The following GSE1 variants were observed in gnomAD, a reference collection of about 807,000 sequenced individuals.
GSE1 encodes genetic suppressor element 1.
A neutral mutation model predicts 112.6 loss-of-function variants in GSE1; 32 were observed. The ratio of observed to expected loss-of-function variants is 0.28; its 90% CI spans 0.21 to 0.38. GSE1 has a LOEUF of 0.38. Ranked by LOEUF, GSE1 falls within the 10% of genes least tolerant of loss-of-function variation. The pLI, the probability that GSE1 is intolerant of heterozygous loss-of-function variation, is 1.00. For missense variants in GSE1, 2,348 were observed against 1,699.2 expected, an observed-to-expected ratio of 1.38 and a Z score of -6.71; for synonymous variants, 1,115 against 735.6, an observed-to-expected ratio of 1.52 and a Z score of -8.35.
At chr16:85,555,423 G>A (rs949360133), upstream of GSE1, 5 of 982,154 alleles carry the variant, frequency 5.1e-6, no homozygotes, top group African/African-American at 8.8e-5. Flanking sequence ...GTGGCGAGAG[G>A]GGGAGGGGAG....
intron 2 of GSE1, among the ~76,000 whole-genome samples, chr16:85,648,301 G>A (rs1029697699): frequency 6.6e-6 from 1 of 152,152 alleles, no homozygotes; most frequent in Non-Finnish European, 1.5e-5. Flanking sequence ...TGTGCTTTGT[G>A]CCACGTGAGC....
intron 2 of GSE1, among the ~76,000 whole-genome samples, chr16:85,388,180 G>GTGGA (rs1192902663): frequency 4.2e-4 from 61 of 146,486 alleles, no homozygotes; most frequent in African/African-American, 1.3e-3. Flanking sequence ...GGATGGGTGG[G>GTGGA]TGGATGGATG....
chr16:85,277,388 C>G (rs1909473015), intron 1 of GSE1, among the ~76,000 whole-genome samples: 1 of 152,156 alleles, frequency 6.6e-6, no homozygotes, highest in Non-Finnish European at 1.5e-5. Flanking sequence ...AGTGCCAGAA[C>G]CCACCCCTGA....
chr16:85,375,386 G>C (rs2047396642), intron 2 of GSE1, among the ~76,000 whole-genome samples: 1 of 152,150 alleles, frequency 6.6e-6, no homozygotes, highest in African/African-American at 2.4e-5. Flanking sequence ...CATGAGGGAG[G>C]TTCCCGCCTC....
chr16:85,404,461 C>A (rs1483878312), intron 2 of GSE1, among the ~76,000 whole-genome samples: 1 of 33,398 alleles, frequency 3.0e-5, no homozygotes, highest in African/African-American at 1.9e-4. Context: ...TACACTCAGG[C>A]CCCCCGGATA....
intron 1 of GSE1, among the ~76,000 whole-genome samples, chr16:85,632,572 T>C (rs939745763): frequency 1.3e-5 from 2 of 152,168 alleles, no homozygotes; most frequent in African/African-American, 4.8e-5. Flanking sequence ...TGCTGTCCCA[T>C]GGGGACAGGT....
At chr16:85,449,786 G>A (rs1007947840) in intron 2 of GSE1, among the ~76,000 whole-genome samples, 1 of 152,208 alleles carries the variant, frequency 6.6e-6, no homozygotes, top group Admixed American at 6.5e-5. Context: ...CTCTGATCCT[G>A]TCTCCTGCAA....
chr16:85,363,192 G>C (rs1009801387), intron 2 of GSE1, among the ~76,000 whole-genome samples: 2 of 152,198 alleles, frequency 1.3e-5, no homozygotes, highest in Admixed American at 1.3e-4. Context: ...TGAGTTTGGG[G>C]TGGGGTTGCA....
rs1037462464 is a variant in GSE1 at position 85,613,866 on chromosome 16, G to C, written c.7+468G>C. Among the ~76,000 whole-genome samples the C allele has an allele frequency of 8.7e-5, 13 of 148,830 alleles. No homozygotes were observed. The East Asian group carries it at 1.2e-3, about 14-fold the overall frequency. ...GCCGAGGAAGCGGGGGTGTGGGGGG[G>C]GGGGGTGCTCGCTACTGGGGCCGCG... On this transcript the variant is annotated intron_variant, in intron 1 of 15. Coordinates refer to ENST00000253458, the MANE Select transcript of GSE1 (RefSeq NM_014615.5).
chr16:85,533,321 G>A (rs1350418902), intron 2 of GSE1, among the ~76,000 whole-genome samples: 12 of 152,080 alleles, frequency 7.9e-5, no homozygotes, highest in Non-Finnish European at 1.5e-4. Flanking sequence ...TCAGGAGGCT[G>A]AGGCAGGAGA....
chr16:85,283,915 T>A (rs994783739), intron 1 of GSE1, among the ~76,000 whole-genome samples: 1 of 152,182 alleles, frequency 6.6e-6, no homozygotes, highest in African/African-American at 2.4e-5. Flanking sequence ...TCCATGCTTT[T>A]ATCCGCTCCA....
At chr16:85,263,082 C>G (rs1203639360) in intron 1 of GSE1, among the ~76,000 whole-genome samples, 2 of 152,174 alleles carry the variant, frequency 1.3e-5, no homozygotes, top group East Asian at 1.9e-4. Flanking sequence ...GCACTCCTGA[C>G]AGCTAATTAG....
At chr16:85,267,702 C>G (rs1206228824) in intron 1 of GSE1, among the ~76,000 whole-genome samples, 2 of 152,194 alleles carry the variant, frequency 1.3e-5, no homozygotes, top group South Asian at 2.1e-4. Context: ...TTCCCTGACC[C>G]CTGGGTTGTT....
At chr16:85,557,371 T>C (rs567603182) in intron 1 of GSE1, among the ~76,000 whole-genome samples, 2 of 152,106 alleles carry the variant, frequency 1.3e-5, no homozygotes, top group East Asian at 3.9e-4. Flanking sequence ...TCCCTTGAGC[T>C]TTGACACACG....
At chr16:85,498,132 G>T (rs1040032089) in intron 2 of GSE1, among the ~76,000 whole-genome samples, 2 of 152,078 alleles carry the variant, frequency 1.3e-5, no homozygotes, top group Middle Eastern at 3.2e-3. Flanking sequence ...AGTGGAGCTG[G>T]CGGGAGGAGG....
At chr16:85,635,295 CA>C (rs2049897117) in intron 2 of GSE1, among the ~76,000 whole-genome samples, 1 of 152,100 alleles carries the variant, frequency 6.6e-6, no homozygotes, top group Non-Finnish European at 1.5e-5. Flanking sequence ...TCCGTACCAC[CA>C]GGGGGCAGCC....
intron 1 of GSE1, among the ~76,000 whole-genome samples, chr16:85,241,417 G>A (rs1905159554): frequency 6.6e-6 from 1 of 152,220 alleles, no homozygotes; most frequent in Admixed American, 6.5e-5. Context: ...GGCATTGCAT[G>A]GCTTCATGCT....
At chr16:85,552,299 A>G (rs1269071790), upstream of GSE1, among the ~76,000 whole-genome samples, 1 of 122,808 alleles carries the variant, frequency 8.1e-6, no homozygotes, top group Non-Finnish European at 1.7e-5. Context: ...TGCTGGGATT[A>G]CAGGCGTGAA....
intron 2 of GSE1, among the ~76,000 whole-genome samples, chr16:85,469,495 A>G (rs537286428): frequency 6.6e-6 from 1 of 152,168 alleles, no homozygotes; most frequent in South Asian, 2.1e-4. Context: ...GAGGGAGGGC[A>G]TTTCTTTGTT....
Sources: gnomAD v4.1 joint callset for allele counts (sites outside exome capture counted in the v4.1 genomes callset) on GRCh38, gnomAD v4.1.1 for gene constraint, MANE v1.5 for transcripts, NCBI Gene and HGNC (gene_info 2026-07-23, HGNC 2026-07-21) for gene names.